Variants in SLC30A10 observed in about 807,000 individuals in gnomAD.
SLC30A10 encodes the protein calcium/manganese antiporter SLC30A10.
SLC30A10 carries 8 observed loss-of-function variants against 21.7 expected under a neutral mutation model. The observed-to-expected ratio is 0.37, with a 90% confidence interval of 0.22 to 0.67. SLC30A10 has a LOEUF of 0.67. SLC30A10 is among the 30% of genes least tolerant of loss of function. The pLI, the probability that SLC30A10 is intolerant of heterozygous loss-of-function variation, is 0.58. For synonymous variants in SLC30A10, 272 were observed against 279.4 expected, an observed-to-expected ratio of 0.97 and a Z score of 0.26; for missense variants, 521 against 642.5, an observed-to-expected ratio of 0.81 and a Z score of 2.04.
chr1:219,927,741 G>T, intron 1 of SLC30A10, 60 bp downstream of exon 1: 5 of 1,422,680 alleles, frequency 3.5e-6, no homozygotes, highest in Non-Finnish European at 4.6e-6. Flanking sequence ...GAGAAGAAAG[G>T]GACCGGGTGG....
intron 1 of SLC30A10, among the ~76,000 whole-genome samples, chr1:219,937,760 T>C (rs956220300): frequency 6.6e-6 from 1 of 152,188 alleles, no homozygotes; most frequent in African/African-American, 2.4e-5. Context: ...TGCAGCGAAC[T>C]GAGCTCGCGA....
At chr1:219,949,435 T>A (rs1202715796) in intron 1 of SLC30A10, among the ~76,000 whole-genome samples, 2 of 152,116 alleles carry the variant, frequency 1.3e-5, no homozygotes, top group African/African-American at 4.8e-5. Context: ...CCATAAAAAA[T>A]GATGAGTTCA....
chr1:219,928,740 T>C (rs1406635036), upstream of SLC30A10: 2 of 346,822 alleles, frequency 5.8e-6, no homozygotes, highest in African/African-American at 2.2e-5. This position sits in a 1 kb window ranked among gnomAD's most constrained non-coding sequence, Gnocchi z 6.3. Flanking sequence ...CGAGCCGATG[T>C]CTCTCTTTGT....
chr1:219,949,718 TGTGCAC>T, intron 1 of SLC30A10, among the ~76,000 whole-genome samples: 1 of 151,672 alleles, frequency 6.6e-6, no homozygotes, highest in African/African-American at 2.4e-5. Context: ...ACCTGCACAT[TGTGCAC>T]ATGTACCCTA....
intron 1 of SLC30A10, among the ~76,000 whole-genome samples, chr1:219,952,766 A>G (rs1481198979): frequency 1.3e-5 from 2 of 152,206 alleles, no homozygotes; most frequent in African/African-American, 4.8e-5. Flanking sequence ...TTTACCTGAT[A>G]TCAGTCATAG....
intron 2 of SLC30A10, among the ~76,000 whole-genome samples, chr1:219,925,651 A>ATATATATATATATATATATT (rs1317554458): frequency 3.1e-4 from 15 of 48,278 alleles, no homozygotes; most frequent in Non-Finnish European, 4.8e-4. Context: ...ATATATATAT[A>ATATATATATATATATATATT]TTTTTTTTTT....
intron 3 of SLC30A10, among the ~76,000 whole-genome samples, chr1:219,917,434 G>A (rs914539649): frequency 3.3e-5 from 5 of 152,156 alleles, no homozygotes; most frequent in African/African-American, 4.8e-5. Context: ...AGGCAATGCT[G>A]TATGTCTGCT....
chr1:219,926,161 A>G (rs1282953381), intron 2 of SLC30A10, among the ~76,000 whole-genome samples: 2 of 152,300 alleles, frequency 1.3e-5, no homozygotes, highest in African/African-American at 4.8e-5. Flanking sequence ...TTTTCCCTAT[A>G]GGTTCACTCT....
At chr1:219,922,178 T>TG (rs1558252084) in intron 2 of SLC30A10, among the ~76,000 whole-genome samples, 910 of 36,662 alleles carry the variant, frequency 0.025, no homozygotes, top group African/African-American at 0.11. Context: ...GTGTGTGTGT[T>TG]TTTTTTTTTT....
chr1:219,916,195 G>C (rs1659540293), intron 3 of SLC30A10, among the ~76,000 whole-genome samples: 1 of 152,142 alleles, frequency 6.6e-6, no homozygotes, highest in Non-Finnish European at 1.5e-5. Context: ...AAAGTCCCCA[G>C]GGTTGCTGAG....
intron 2 of SLC30A10, among the ~76,000 whole-genome samples, chr1:219,919,942 A>G (rs1659639711): frequency 6.6e-6 from 1 of 152,124 alleles, no homozygotes; most frequent in African/African-American, 2.4e-5. Context: ...CTAACAACTT[A>G]CTCATGGCTA....
intron 2 of SLC30A10, among the ~76,000 whole-genome samples, chr1:219,920,714 G>C (rs961880531): frequency 6.6e-6 from 1 of 152,132 alleles, no homozygotes; most frequent in East Asian, 1.9e-4. Context: ...CTGTAAGGTG[G>C]TTACCCTTGT....
intron 2 of SLC30A10, among the ~76,000 whole-genome samples, chr1:219,920,321 G>A (rs1659648063): frequency 6.6e-6 from 1 of 152,134 alleles, no homozygotes; most frequent in South Asian, 2.1e-4. Flanking sequence ...AAGGAGCTAA[G>A]AATCGAAGCT....
intron 1 of SLC30A10, among the ~76,000 whole-genome samples, chr1:219,947,355 C>A (rs1054468036): frequency 3.3e-5 from 5 of 151,892 alleles, no homozygotes; most frequent in South Asian, 2.1e-4. Flanking sequence ...ATGGTAAGAC[C>A]CCCATCTCTA....
At chr1:219,916,488 G>A (rs374732643) in intron 3 of SLC30A10, among the ~76,000 whole-genome samples, 132 of 152,314 alleles carry the variant, frequency 8.7e-4, no homozygotes, top group African/African-American at 3.1e-3. Flanking sequence ...GCATATTTAA[G>A]GATATGAGAA....
chr1:219,927,395 G>C (rs1659853747), intron 1 of SLC30A10, among the ~76,000 whole-genome samples: 1 of 152,016 alleles, frequency 6.6e-6, no homozygotes. Flanking sequence ...GATGGGCAAA[G>C]AGGGGGGGAG....
At chr1:219,937,728 GCTTGAA>G (rs1660065350) in intron 1 of SLC30A10, among the ~76,000 whole-genome samples, 1 of 152,216 alleles carries the variant, frequency 6.6e-6, no homozygotes, top group African/African-American at 2.4e-5. Context: ...CACAAGAATC[GCTTGAA>G]CCTGGAGGCG....
intron 1 of SLC30A10, among the ~76,000 whole-genome samples, chr1:219,927,397 G>T (rs938321592): frequency 3.3e-5 from 5 of 151,846 alleles, no homozygotes; most frequent in African/African-American, 4.8e-5. Context: ...TGGGCAAAGA[G>T]GGGGGGAGAA....
chr1:219,953,711 TTTATTTTATTTTTG>T (rs1660305215), intron 1 of SLC30A10, among the ~76,000 whole-genome samples: 2 of 120,302 alleles, frequency 1.7e-5, no homozygotes, highest in Admixed American at 8.3e-5. Context: ...TTTATTTTAT[TTTATTTTATTTTTG>T]AGACTGAGTC....
Sources: gnomAD v4.1 joint callset for allele counts (sites outside exome capture counted in the v4.1 genomes callset) on GRCh38, gnomAD v4.1.1 for gene constraint, Gnocchi (gnomAD v3.1) non-coding constraint, MANE v1.5 for transcripts, NCBI Gene and HGNC (gene_info 2026-07-23, HGNC 2026-07-21) for gene names.